DPYD: variants seen among roughly 807,000 people sequenced by gnomAD.
DPYD encodes the protein dihydropyrimidine dehydrogenase [NADP(+)].
DPYD carries 109 observed loss-of-function variants against 116.2 expected under a neutral mutation model. That is an observed-to-expected ratio of 0.94 (90% CI 0.80 to 1.10). The LOEUF is 1.10. DPYD is among the 50% of genes least tolerant of loss of function. DPYD has a pLI of 0.00. For missense variants in DPYD, 1,302 were observed against 1,254.5 expected, an observed-to-expected ratio of 1.04 and a Z score of -0.57; for synonymous variants, 440 against 432.0, an observed-to-expected ratio of 1.02 and a Z score of -0.23.
chr1:97,232,668 T>C (rs688913), intron 19 of DPYD, among the ~76,000 whole-genome samples: 112,216 of 151,960 alleles, frequency 0.74, 42,778 homozygotes, highest in East Asian at 0.99. Flanking sequence ...TTCACTGATT[T>C]TTTCTTCTGT....
intron 16 of DPYD, among the ~76,000 whole-genome samples, chr1:97,332,122 T>A (rs1281952163): frequency 1.3e-5 from 2 of 152,200 alleles, no homozygotes; most frequent in African/African-American, 2.4e-5. Context: ...TGAGCCTAGA[T>A]CTACTGTCCA....
chr1:97,596,040 CA>C (rs914401453), intron 8 of DPYD, among the ~76,000 whole-genome samples: 7 of 151,688 alleles, frequency 4.6e-5, no homozygotes, highest in African/African-American at 1.7e-4. Flanking sequence ...CTGACACATG[CA>C]AATAAAGGTT....
chr1:97,331,715 C>T (rs550437166), intron 16 of DPYD, among the ~76,000 whole-genome samples: 1 of 152,214 alleles, frequency 6.6e-6, no homozygotes, highest in East Asian at 1.9e-4. Context: ...TTAGCTTTTG[C>T]TACAAATTAT....
chr1:97,534,739 C>T (rs1649868753), intron 12 of DPYD, among the ~76,000 whole-genome samples: 1 of 152,102 alleles, frequency 6.6e-6, no homozygotes, highest in Non-Finnish European at 1.5e-5. Flanking sequence ...CCAACTACAT[C>T]TTAACCAAAT....
At chr1:97,220,267 G>C (rs1016425363) in intron 19 of DPYD, among the ~76,000 whole-genome samples, 1 of 152,058 alleles carries the variant, frequency 6.6e-6, no homozygotes, top group Non-Finnish European at 1.5e-5. Context: ...CTGAACTAGC[G>C]CATTAGCAAG....
chr1:97,745,134 CA>C (rs1218260935), intron 3 of DPYD, among the ~76,000 whole-genome samples: 1 of 151,976 alleles, frequency 6.6e-6, no homozygotes, highest in African/African-American at 2.4e-5. Context: ...CTGATTACAC[CA>C]CAGGTTCTTA....
chr1:97,191,002 T>C (rs912548542), intron 20 of DPYD, among the ~76,000 whole-genome samples: 1 of 151,884 alleles, frequency 6.6e-6, no homozygotes, highest in Non-Finnish European at 1.5e-5. Flanking sequence ...AGGACCAGCA[T>C]ACTATTCTTT....
intron 3 of DPYD, among the ~76,000 whole-genome samples, chr1:97,799,807 A>T (rs2101324889): frequency 6.6e-6 from 1 of 152,050 alleles, no homozygotes. Context: ...GAATTGTTCC[A>T]CTGGAGGGTA....
chr1:97,490,441 GTAT>G (rs1410457341), intron 13 of DPYD, among the ~76,000 whole-genome samples: 4 of 145,504 alleles, frequency 2.7e-5, no homozygotes, highest in Non-Finnish European at 6.0e-5. Flanking sequence ...AATTGTATAA[GTAT>G]TATATAACGT....
intron 20 of DPYD, among the ~76,000 whole-genome samples, chr1:97,137,103 GC>G (rs1360342687): frequency 1.3e-5 from 2 of 152,118 alleles, no homozygotes; most frequent in Non-Finnish European, 2.9e-5. Flanking sequence ...TTGTTCATCG[GC>G]TGGTGCTGTG....
At chr1:97,828,846 T>A (rs898967928) in intron 2 of DPYD, among the ~76,000 whole-genome samples, 1 of 151,970 alleles carries the variant, frequency 6.6e-6, no homozygotes, top group Non-Finnish European at 1.5e-5. Context: ...AATTTTAAGA[T>A]TGAGTAAATA....
chr1:97,415,014 A>G (rs1674215112), intron 14 of DPYD, among the ~76,000 whole-genome samples: 1 of 152,212 alleles, frequency 6.6e-6, no homozygotes, highest in South Asian at 2.1e-4. Flanking sequence ...GTTTCTGTGT[A>G]AGTAGCATGG....
intron 21 of DPYD, among the ~76,000 whole-genome samples, chr1:97,088,712 AC>A (rs1367295922): frequency 6.6e-6 from 1 of 152,052 alleles, no homozygotes; most frequent in Non-Finnish European, 1.5e-5. Flanking sequence ...CTTCCATCAG[AC>A]CCATTTATTC....
intron 11 of DPYD, among the ~76,000 whole-genome samples, chr1:97,567,282 G>A (rs1557804067): frequency 6.6e-6 from 1 of 151,958 alleles, no homozygotes; most frequent in African/African-American, 2.4e-5. Context: ...ACTTTTCTGA[G>A]GGCCTTCTAA....
At chr1:97,605,075 T>C (rs1433331763) in intron 8 of DPYD, among the ~76,000 whole-genome samples, 3 of 152,136 alleles carry the variant, frequency 2.0e-5, no homozygotes, top group Non-Finnish European at 4.4e-5. Flanking sequence ...GTACAGACTA[T>C]GGCTGAAAAT....
intron 13 of DPYD, among the ~76,000 whole-genome samples, chr1:97,499,271 T>C (rs1288339922): frequency 1.3e-5 from 2 of 151,830 alleles, no homozygotes; most frequent in Non-Finnish European, 3.0e-5. Flanking sequence ...TTGAATAATT[T>C]GTTTATGAAG....
intron 12 of DPYD, among the ~76,000 whole-genome samples, chr1:97,529,605 C>A (rs780429216): frequency 3.9e-5 from 6 of 152,152 alleles, no homozygotes; most frequent in Non-Finnish European, 8.8e-5. Flanking sequence ...ACATATCCAT[C>A]ACGTTCAAAA....
chr1:97,265,058 T>G (rs1448368791), intron 18 of DPYD, among the ~76,000 whole-genome samples: 1 of 152,140 alleles, frequency 6.6e-6, no homozygotes, highest in Non-Finnish European at 1.5e-5. Context: ...GACAGTGCCA[T>G]TATTAGATAC....
chr1:97,122,983 T>G (rs982910589), intron 20 of DPYD, among the ~76,000 whole-genome samples: 2 of 152,100 alleles, frequency 1.3e-5, no homozygotes, highest in South Asian at 2.1e-4. Flanking sequence ...GCCTATACTC[T>G]CAGATATTTT....
Sources: gnomAD v4.1 joint callset for allele counts (sites outside exome capture counted in the v4.1 genomes callset) on GRCh38, gnomAD v4.1.1 for gene constraint, MANE v1.5 for transcripts, NCBI Gene and HGNC (gene_info 2026-07-23, HGNC 2026-07-21) for gene names.